NPHS1: variants seen among roughly 807,000 people sequenced by gnomAD.
The protein encoded by NPHS1 is NPHS1 adhesion molecule, nephrin, also known as nephrin.
A neutral mutation model predicts 139.7 loss-of-function variants in NPHS1; 107 were observed. That is an observed-to-expected ratio of 0.77 (90% confidence interval 0.66 to 0.90). The LOEUF is 0.90. NPHS1 is among the 40% of genes least tolerant of loss of function. The probability of loss-of-function intolerance (pLI) is 0.00; values close to 1 mark genes in which losing one functional copy is unlikely to be tolerated. For missense variants in NPHS1, 1,580 were observed against 1,654.2 expected (o/e 0.96, Z 0.78); for synonymous variants, 707 against 706.6 (o/e 1.00, Z -0.01).
Position 35,842,398 on chromosome 19 carries a change from C to G in NPHS1, c.2487G>C (p.Leu829=). Residue 829 remains leucine, a synonymous_variant, in exon 18 of 29, where the codon CTG becomes CTC. Transcript: ENST00000378910. ...ACCCACATCTGACAACAAGACGGAG[C>G]AGCCGTCGTGCTGGAGGCGCCACCC... The part of the protein sequence containing the change: ...DNGVAPPARR[L]LRLVVRFAPQ... 2 of 1,614,058 alleles carry G rather than the reference C, an allele frequency of 1.2e-6. No individual in the cohort carries two copies. The highest frequency in any genetic ancestry group is 1.7e-6 in the Non-Finnish European group (2 of 1,180,030).
rs539662485 is a variant in NPHS1, at chr19:35,827,124, C to T, written c.3595-479G>A. On this transcript the variant is annotated intron_variant, in intron 28 of 28. Coordinates refer to ENST00000378910, the MANE Select transcript of NPHS1 (RefSeq NM_004646.4). The stretch of plus-strand genomic sequence containing the variant: ...CCAAGTAGCTGGGACTACAGGCATG[C>T]ATCACCACACCCAGCTAACTTTTGA... Among the ~76,000 whole-genome samples, 51 of 152,158 alleles carry T rather than the reference C, an allele frequency of 3.4e-4. 3 individuals are homozygous for T. In the South Asian group the frequency reaches 0.011, roughly 32 times the overall value.
chr19:35,844,451 C>T lies in NPHS1; in HGVS notation c.1939G>A (p.Glu647Lys), dbSNP rs1568454093. The T allele has an allele frequency of 6.3e-7, 1 of 1,580,066 alleles. No individual in the cohort carries two copies. Among genetic ancestry groups the T allele is most frequent in the African/African-American group, 1.4e-5 (1 of 74,066 alleles). ...ACCAGCACCTGCTCCCCCAGGAACT[C>T]TGGACGGTCTTCAGAGGGGGCGCCG... ...FYRLNVLYRPEFLGEQVLVVT... is the reference protein window; with the variant it reads ...FYRLNVLYRPKFLGEQVLVVT... The change falls in exon 15 of 29, where the codon GAG becomes AAG. Residue 647 changes from glutamate (E) to lysine (K), a missense_variant. Transcript: ENST00000378910.
At position 35,849,078 on chromosome 19, in the gene NPHS1, TCACCAGCA is replaced by T; in HGVS notation, c.902_909del (p.Val301AspfsTer38). 3.1e-6 allele frequency: 5 copies of T among 1,610,616 alleles called. No homozygotes were observed. Among genetic ancestry groups the T allele is most frequent in the Non-Finnish European group, 4.2e-6 (5 of 1,180,006 alleles). On this transcript the variant is annotated frameshift_variant, in exon 8 of 29. Transcript: ENST00000378910. LOFTEE classifies it high-confidence loss of function. ...CCATGGTCTTCTGGCCTCACGGTCATCACCAGCACACTGCGGGCCACCGCCTGGGTGTG... is the reference window on the plus strand; with the variant it reads ...CCATGGTCTTCTGGCCTCACGGTCATCACTGCGGGCCACCGCCTGGGTGTG...
At chr19:35,842,619 C>A in intron 17 of NPHS1, 69 bp from the exon 18 acceptor site, 1 of 1,495,060 alleles carries the variant, frequency 6.7e-7, no homozygotes, top group Non-Finnish European at 9.3e-7. Flanking sequence ...CAAATTGTCC[C>A]TTCTGTAGCC....
In NPHS1 at chr19:35,839,250, G is replaced by A. The variant is rs1973018433; in HGVS notation, c.3096C>T (p.Pro1032=). 1 of 1,614,190 alleles carries A rather than the reference G, an allele frequency of 6.2e-7. No homozygotes were observed. The highest frequency in any genetic ancestry group is 8.5e-7 in the Non-Finnish European group (1 of 1,180,032). ...SGLADKGTQL[P]ITTPGLHQPS... ...CTCCCTTCCCACCTGGGGTAGTGAT[G>A]GGAAGCTGGGTCCCTTTGTCAGCCA... is the stretch of plus-strand genomic sequence containing the variant. The change falls in exon 22 of 29, where the codon CCC becomes CCT. Residue 1032 remains proline, a synonymous_variant. Transcript: ENST00000378910.
At chr19:35,840,821 T>C (rs1973045313) in intron 20 of NPHS1, among the ~76,000 whole-genome samples, 1 of 149,438 alleles carries the variant, frequency 6.7e-6, no homozygotes, top group Non-Finnish European at 1.5e-5. Flanking sequence ...CCCGAGTAAC[T>C]GGGATTACAA....
chr19:35,831,716 C>G lies in NPHS1; in HGVS notation c.3213G>C (p.Gly1071=), dbSNP rs757323462. ...AGGAGGCATTGGAGAGGAGCAGAAGCCCCCCAAGAGCGAACAGCACAGGCA... is the reference window on the plus strand; with the variant it reads ...AGGAGGCATTGGAGAGGAGCAGAAGGCCCCCAAGAGCGAACAGCACAGGCA... ...PLLPVLFALG[G]LLLLSNASCV... is the part of the protein sequence containing the mutation. The change falls in exon 24 of 29, where the codon GGG becomes GGC. Residue 1071 remains glycine (G), a synonymous_variant. Coordinates refer to ENST00000378910, the MANE Select transcript of NPHS1 (RefSeq NM_004646.4). 1 of 1,594,504 alleles carries G rather than the reference C, an allele frequency of 6.3e-7. No individual in the cohort carries two copies. The highest frequency in any genetic ancestry group is 1.1e-5 in the South Asian group (1 of 88,530).
chr19:35,828,507 G>A (rs1972830664), intron 28 of NPHS1, among the ~76,000 whole-genome samples: 1 of 152,046 alleles, frequency 6.6e-6, no homozygotes, highest in Admixed American at 6.6e-5. Context: ...CTTGTGATCC[G>A]CCCGCCTTGG....
chr19:35,848,718 G>C lies in NPHS1; in HGVS notation c.1089C>G (p.Ser363Arg), dbSNP rs774642557. 6 of 1,614,058 alleles carry C rather than the reference G, an allele frequency of 3.7e-6. No individual in the cohort carries two copies. Among genetic ancestry groups the C allele is most frequent in the Non-Finnish European group, 4.2e-6 (5 of 1,180,044 alleles). Reference sequence around the variant, plus strand: ...GCAGAACCCGCGGGCGACTGGACTTGCTGACACAGGAGAGTGTCACGTTCT... The same window carrying C: ...GCAGAACCCGCGGGCGACTGGACTTCCTGACACAGGAGAGTGTCACGTTCT... ...ENKNVTLSCV[S>R]KSSRPRVLLR... Residue 363 changes from serine to arginine, a missense_variant, in exon 9 of 29, where the codon AGC becomes AGG. Transcript: ENST00000378910.
intron 11 of NPHS1, among the ~76,000 whole-genome samples, chr19:35,847,159 C>A (rs948365365): frequency 9.2e-5 from 14 of 152,022 alleles, no homozygotes; most frequent in African/African-American, 3.4e-4. Context: ...CATTCTCCTG[C>A]CTCAGCCTCC....
intron 11 of NPHS1, among the ~76,000 whole-genome samples, chr19:35,847,676 T>G (rs368022135): frequency 6.6e-6 from 1 of 151,868 alleles, no homozygotes; most frequent in Non-Finnish European, 1.5e-5. Context: ...GCATTGTTTT[T>G]TTTTTTTTTC....
chr19:35,837,696 A>G (rs1171749487), intron 22 of NPHS1, among the ~76,000 whole-genome samples: 4 of 151,704 alleles, frequency 2.6e-5, no homozygotes, highest in Non-Finnish European at 5.9e-5. Context: ...TCTGCCTCCC[A>G]GGTTCAAGTG....
chr19:35,846,146 C>A lies in NPHS1; in HGVS notation c.1489G>T (p.Val497Leu), dbSNP rs777157817. Reference sequence around the variant, plus strand: ...GATTTCTCCACGCTGCCGAGATGCACGCGCCGCGACTCCTGCGGCAGCCGC... The same window carrying A: ...GATTTCTCCACGCTGCCGAGATGCAAGCGCCGCGACTCCTGCGGCAGCCGC... ...ESRLPQESRR[V>L]HLGSVEKSGS... Residue 497 changes from valine (V) to leucine (L), a missense_variant, in exon 12 of 29, where the codon GTG (valine) becomes TTG (leucine). Val to Leu is a conservative substitution (Grantham distance 32). Transcript: ENST00000378910. The A allele has an allele frequency of 6.3e-7, 1 of 1,597,398 alleles. No individual in the cohort carries two copies. The highest frequency in any genetic ancestry group is 1.1e-5 in the South Asian group (1 of 88,254).
rs552500361 is a variant in NPHS1, at chr19:35,850,292, C to T, written c.608+72G>A. On this transcript the variant is annotated intron_variant, in intron 5 of 28. Transcript: ENST00000378910. ...ATACCTAGCCCAAGCTTCATGCTTG[C>T]ATCCCTGGGGTCTGGGGTTCCCATG... 4.2e-6 allele frequency: 5 copies of T among 1,196,146 alleles called. No homozygotes were observed. The African/African-American group carries it at 7.5e-5, about 18-fold the overall frequency. The allele number at this position is 1,196,146 out of a possible 1,614,324, so 74.1% of individuals were successfully genotyped here. A position where few individuals can be genotyped will look rare whatever the true frequency, so the allele number is the denominator to read the frequency against.
At chr19:35,840,626 A>G (rs1036055315) in intron 20 of NPHS1, among the ~76,000 whole-genome samples, 2 of 147,284 alleles carry the variant, frequency 1.4e-5, no homozygotes, top group African/African-American at 2.5e-5. Flanking sequence ...GAGCCACTGC[A>G]CCCGGCAGTT....
At chr19:35,830,805 C>G in intron 28 of NPHS1, 39 bp downstream of exon 28, 1 of 1,281,930 alleles carries the variant, frequency 7.8e-7, no homozygotes, top group East Asian at 2.3e-5. Flanking sequence ...GCTCCCAGCA[C>G]TAGCCAGGAA....
chr19:35,830,581 A>T (rs1399130997), intron 28 of NPHS1, among the ~76,000 whole-genome samples: 1 of 152,156 alleles, frequency 6.6e-6, no homozygotes, highest in Non-Finnish European at 1.5e-5. Flanking sequence ...GGCTCATTTT[A>T]AAAAATGTTT....
intron 22 of NPHS1, 125 bp downstream of exon 22, chr19:35,839,112 G>C (rs1194418203): frequency 3.3e-6 from 3 of 909,496 alleles, no homozygotes; most frequent in Non-Finnish European, 5.4e-6. Flanking sequence ...TGTGACCTTG[G>C]ACAATTTGCT....
rs900842502 is a variant in NPHS1 at position 35,843,362 on chromosome 19, T to C, written c.2334+110A>G. The C allele has an allele frequency of 1.1e-5, 14 of 1,333,264 alleles. No individual in the cohort carries two copies. In the Admixed American group the frequency reaches 1.5e-4, roughly 15 times the overall value. The allele number at this position is 1,333,264 out of a possible 1,614,324, so 82.6% of individuals were successfully genotyped here. A position where few individuals can be genotyped will look rare whatever the true frequency, so the allele number is the denominator to read the frequency against. On this transcript the variant is annotated intron_variant, in intron 17 of 28. Coordinates refer to ENST00000378910, the MANE Select transcript of NPHS1 (RefSeq NM_004646.4). ...CTGGGAGCATGCCCTGGCGAGTATA[T>C]AGTTATAAGGGTCATACAGATGTAT...
Sources: gnomAD v4.1 joint callset for allele counts (sites outside exome capture counted in the v4.1 genomes callset) on GRCh38, gnomAD v4.1.1 for gene constraint, MANE v1.5 for transcripts, NCBI Gene and HGNC (gene_info 2026-07-23, HGNC 2026-07-21) for gene names.